Variants in CCM2 observed in about 807,000 individuals in gnomAD.
CCM2 encodes cerebral cavernous malformations 2 protein.
A neutral mutation model predicts 44.9 loss-of-function variants in CCM2; 25 were observed. The observed-to-expected ratio is 0.56, with a 90% CI of 0.41 to 0.78. The LOEUF (loss-of-function observed/expected upper bound fraction) is 0.78. Ranked by LOEUF, CCM2 falls within the 30% of genes least tolerant of loss-of-function variation. CCM2 has a pLI of 0.00. For synonymous variants in CCM2, 219 were observed against 241.1 expected (o/e 0.91, Z 0.85); for missense variants, 481 against 580.6 (o/e 0.83, Z 1.76).
At chr7:45,030,922 C>A (rs954353452) in intron 1 of CCM2, among the ~76,000 whole-genome samples, 1 of 151,174 alleles carries the variant, frequency 6.6e-6, no homozygotes, top group African/African-American at 2.4e-5. Context: ...CGGGGTTTCA[C>A]CATGTTGGCC....
chr7:45,027,843 G>A lies in CCM2; in HGVS notation c.31-10410G>A, dbSNP rs375804239. The A allele has an allele frequency of 1.1e-5, 17 of 1,598,308 alleles. No individual in the cohort carries two copies. The African/African-American group carries it at 2.1e-4, about 20-fold the overall frequency. ...GAAAGCGCCATTTAGAATGATGATG[G>A]TGTGAGTCCCTTGTGGGTGGCTTTC... is the stretch of plus-strand genomic sequence containing the variant. On this transcript the variant is annotated intron_variant, in intron 1 of 9. Coordinates refer to ENST00000258781, the MANE Select transcript of CCM2 (RefSeq NM_031443.4).
At chr7:45,008,263 C>T (rs1019457257) in intron 1 of CCM2, among the ~76,000 whole-genome samples, 1 of 151,650 alleles carries the variant, frequency 6.6e-6, no homozygotes, top group Non-Finnish European at 1.5e-5. Flanking sequence ...TGGTCTTGAT[C>T]TCTTGACCTC....
At chr7:45,067,492 C>T (rs893212959) in intron 4 of CCM2, 3 of 152,250 alleles carry the variant, frequency 2.0e-5, no homozygotes, top group Middle Eastern at 3.4e-3. Context: ...TTTTATTTAC[C>T]CCTCCGTACC....
intron 9 of CCM2, among the ~76,000 whole-genome samples, chr7:45,075,389 A>G (rs550701263): frequency 6.6e-6 from 1 of 152,374 alleles, no homozygotes; most frequent in East Asian, 1.9e-4. Context: ...GCCGGGTGCC[A>G]GCAGGTGGCT....
chr7:45,053,830 C>T (rs1365728909), intron 2 of CCM2, among the ~76,000 whole-genome samples: 1 of 152,146 alleles, frequency 6.6e-6, no homozygotes, highest in African/African-American at 2.4e-5. Flanking sequence ...GTGGGCTTTC[C>T]TGTCATTTTG....
chr7:45,034,766 C>T (rs1173776315), intron 1 of CCM2, among the ~76,000 whole-genome samples: 1 of 152,104 alleles, frequency 6.6e-6, no homozygotes, highest in East Asian at 1.9e-4. Flanking sequence ...AGTGATCTGC[C>T]TGCCTCACCC....
At chr7:45,046,689 A>C (rs1485684008) in intron 2 of CCM2, among the ~76,000 whole-genome samples, 1 of 152,258 alleles carries the variant, frequency 6.6e-6, no homozygotes, top group Non-Finnish European at 1.5e-5. Flanking sequence ...CAGAGTTCTG[A>C]GACTTGATAC....
intron 1 of CCM2, among the ~76,000 whole-genome samples, chr7:45,020,200 C>G (rs936128570): frequency 5.9e-5 from 9 of 152,110 alleles, no homozygotes; most frequent in African/African-American, 2.2e-4. Flanking sequence ...TCCCTTCTTT[C>G]AAGGGTCATA....
intron 4 of CCM2, chr7:45,068,042 G>A: frequency 3.1e-6 from 1 of 325,288 alleles, no homozygotes; most frequent in South Asian, 2.7e-5. Context: ...TTGCCATGTG[G>A]ACAGTGCAAC....
At chr7:45,036,561 A>G (rs1250963255) in intron 1 of CCM2, among the ~76,000 whole-genome samples, 1 of 152,104 alleles carries the variant, frequency 6.6e-6, no homozygotes, top group East Asian at 1.9e-4. Context: ...CTCATTAGGG[A>G]GGCAGCTGCA....
In CCM2 at chr7:45,068,380, T is replaced by C. The variant is rs990219871; in HGVS notation, c.473-63T>C. On this transcript the variant is annotated intron_variant, in intron 4 of 9. Transcript: ENST00000258781. ...TGTTTCCATGGCGGCCTCAGCTGTT[T>C]CCTCAAGTGCCCCCATGCCTGCCCT... 19 of 1,610,024 alleles carry C rather than the reference T, an allele frequency of 1.2e-5. No homozygotes were observed. In the African/African-American group the frequency reaches 2.4e-4, roughly 20 times the overall value.
In CCM2 at chr7:45,064,611, G is replaced by A. The variant is rs149268160; in HGVS notation, c.437G>A (p.Arg146Gln). Residue 146 changes from arginine (R) to glutamine (Q), a missense_variant, in exon 4 of 10, where the codon CGG (arginine) becomes CAG (glutamine). By Grantham distance (43) the Arg-to-Gln change is conservative. Transcript: ENST00000258781. ...GACATCGCCGCCGTCTCCTATGTTCGGGATGACGCTGCACACCTGGTGGTC... is the reference window on the plus strand; with the variant it reads ...GACATCGCCGCCGTCTCCTATGTTCAGGATGACGCTGCACACCTGGTGGTC... ...IHDIAAVSYV[R>Q]DDAAHLVVLK... 15 of 1,613,824 alleles carry A rather than the reference G, an allele frequency of 9.3e-6. No individual in the cohort carries two copies. The African/African-American group carries it at 1.1e-4, about 11-fold the overall frequency.
chr7:45,012,721 AT>A (rs1162957799), intron 1 of CCM2, among the ~76,000 whole-genome samples: 345 of 144,990 alleles, frequency 2.4e-3, no homozygotes, highest in Non-Finnish European at 1.9e-3. Flanking sequence ...TGCCTGGCTA[AT>A]TTTTTTTTTT....
At chr7:45,028,995 G>A (rs570405711) in intron 1 of CCM2, among the ~76,000 whole-genome samples, 7 of 152,158 alleles carry the variant, frequency 4.6e-5, no homozygotes, top group Non-Finnish European at 8.8e-5. Context: ...TGGGACTATA[G>A]CCTATCACTG....
intron 2 of CCM2, among the ~76,000 whole-genome samples, chr7:45,054,683 A>C (rs1798173652): frequency 6.6e-6 from 1 of 152,200 alleles, no homozygotes; most frequent in African/African-American, 2.4e-5. Flanking sequence ...CACTAATCCC[A>C]GAACTGATGG....
At chr7:45,025,411 T>C (rs1796645779) in intron 1 of CCM2, among the ~76,000 whole-genome samples, 1 of 151,330 alleles carries the variant, frequency 6.6e-6, no homozygotes, top group Non-Finnish European at 1.5e-5. Context: ...ACCCCGCAGT[T>C]CTCCTTCACA....
intron 2 of CCM2, among the ~76,000 whole-genome samples, chr7:45,041,577 A>G (rs1323172872): frequency 2.0e-5 from 3 of 152,186 alleles, no homozygotes; most frequent in African/African-American, 7.2e-5. Context: ...CTTCTGACCA[A>G]AGGACCAGGA....
intron 1 of CCM2, among the ~76,000 whole-genome samples, chr7:45,033,241 T>G (rs1797052558): frequency 6.6e-6 from 1 of 152,120 alleles, no homozygotes; most frequent in African/African-American, 2.4e-5. Flanking sequence ...GGGGTGGGAT[T>G]GTAGGACGGG....
chr7:45,017,966 T>C (rs1323420066), intron 1 of CCM2, among the ~76,000 whole-genome samples: 3 of 152,226 alleles, frequency 2.0e-5, no homozygotes, highest in African/African-American at 7.2e-5. Context: ...AGGATAGTTT[T>C]ACAGCAGCAG....
Sources: gnomAD v4.1 joint callset for allele counts (sites outside exome capture counted in the v4.1 genomes callset) on GRCh38, gnomAD v4.1.1 for gene constraint, MANE v1.5 for transcripts, NCBI Gene and HGNC (gene_info 2026-07-23, HGNC 2026-07-21) for gene names.